The following ASAP1 variants were observed in gnomAD, a reference collection of about 807,000 sequenced individuals.
ASAP1 encodes the protein ArfGAP with SH3 domain, ankyrin repeat and PH domain 1.
ASAP1 carries 43 observed loss-of-function variants against 145.2 expected under a neutral mutation model. That is an observed-to-expected ratio of 0.30 (90% confidence interval 0.23 to 0.38). The LOEUF is 0.38. Among genes scored for constraint, ASAP1 ranks in the 10% least tolerant of loss-of-function variants. ASAP1 has a pLI of 1.00. For missense variants in ASAP1, 1,018 were observed against 1,355.3 expected (o/e 0.75, Z 3.91); for synonymous variants, 546 against 515.5 (o/e 1.06, Z -0.80).
At chr8:130,147,198 C>CAAAAAAAA (rs559149769) in intron 13 of ASAP1, among the ~76,000 whole-genome samples, 2 of 63,338 alleles carry the variant, frequency 3.2e-5, no homozygotes, top group Non-Finnish European at 2.7e-5. Flanking sequence ...AATGCAGTCT[C>CAAAAAAAA]AAAAAAAAAA....
intron 20 of ASAP1, 43 bp from the exon 21 acceptor site, chr8:130,117,038 T>C: frequency 6.9e-7 from 1 of 1,446,840 alleles, no homozygotes; most frequent in Non-Finnish European, 9.6e-7. Flanking sequence ...ACTTACTTTA[T>C]AACTTAAAAC....
intron 13 of ASAP1, among the ~76,000 whole-genome samples, chr8:130,141,670 C>G (rs2135865223): frequency 6.6e-6 from 1 of 152,264 alleles, no homozygotes; most frequent in East Asian, 1.9e-4. Context: ...CCTTAGCCTT[C>G]CCAGTAACTG....
In ASAP1 at chr8:130,108,296, C is replaced by G. The variant is rs16904205; in HGVS notation, c.2401+3798G>C. 6.5e-3 allele frequency among the ~76,000 whole-genome samples: 990 copies of G among 152,278 alleles called. 16 individuals are homozygous for G. Among genetic ancestry groups the G allele is most frequent in the African/African-American group, 0.023 (956 of 41,534 alleles). On this transcript the variant is annotated intron_variant, in intron 24 of 29. Transcript: ENST00000518721. Reference sequence around the variant, plus strand: ...GAGAAGGGCTATATAATGCCTGATTCTAGAGGCCTGGCTTCAGGAATAGAT... The same window carrying G: ...GAGAAGGGCTATATAATGCCTGATTGTAGAGGCCTGGCTTCAGGAATAGAT...
intron 1 of ASAP1, among the ~76,000 whole-genome samples, chr8:130,440,328 G>T (rs776586418): frequency 1.3e-5 from 2 of 152,044 alleles, no homozygotes; most frequent in African/African-American, 4.8e-5. Context: ...TCAACACGGC[G>T]AAACCCCGTC....
At chr8:130,133,117 G>A (rs954789568) in intron 15 of ASAP1, among the ~76,000 whole-genome samples, 1 of 151,450 alleles carries the variant, frequency 6.6e-6, no homozygotes, top group Non-Finnish European at 1.5e-5. Context: ...TATAAAACTC[G>A]GTCCAAATTA....
At chr8:130,210,954 G>A (rs1008839083) in intron 5 of ASAP1, among the ~76,000 whole-genome samples, 7 of 152,088 alleles carry the variant, frequency 4.6e-5, no homozygotes, top group Non-Finnish European at 8.8e-5. Context: ...ATGAAACCCT[G>A]CCACTACCAA....
intron 3 of ASAP1, among the ~76,000 whole-genome samples, chr8:130,339,442 G>A (rs528803032): frequency 7.2e-5 from 11 of 152,186 alleles, no homozygotes; most frequent in South Asian, 4.1e-4. Context: ...ACATCGATGC[G>A]GTCAGGGAGG....
rs148325571 is a variant in ASAP1 at position 130,321,458 on chromosome 8, A to G, written c.186+36559T>C. 1.3e-3 allele frequency among the ~76,000 whole-genome samples: 195 copies of G among 152,204 alleles called. 2 individuals carry two copies. The South Asian group carries it at 0.025, about 19-fold the overall frequency. Reference sequence around the variant, plus strand: ...TCCCTCCTCAGTCAATAGGAATGTGAACTCTGGGACCTCAATTTCTACATT... The same window carrying G: ...TCCCTCCTCAGTCAATAGGAATGTGGACTCTGGGACCTCAATTTCTACATT... On this transcript the variant is annotated intron_variant, in intron 3 of 29. Coordinates refer to ENST00000518721, the MANE Select transcript of ASAP1 (RefSeq NM_018482.4).
At chr8:130,186,340 T>A (rs928520118) in intron 7 of ASAP1, among the ~76,000 whole-genome samples, 2 of 152,222 alleles carry the variant, frequency 1.3e-5, no homozygotes, top group Non-Finnish European at 2.9e-5. Flanking sequence ...CTACTTTTTT[T>A]AATCCTGAAT....
chr8:130,311,535 G>A (rs1233775185), intron 3 of ASAP1, among the ~76,000 whole-genome samples: 1 of 152,162 alleles, frequency 6.6e-6, no homozygotes, highest in Non-Finnish European at 1.5e-5. Flanking sequence ...GCCAAGGCGG[G>A]AGGATCACCT....
intron 2 of ASAP1, among the ~76,000 whole-genome samples, chr8:130,398,862 T>C (rs1828651235): frequency 6.6e-6 from 1 of 152,230 alleles, no homozygotes; most frequent in East Asian, 1.9e-4. Flanking sequence ...GAGCCTATCC[T>C]GTCAGCACGA....
intron 24 of ASAP1, among the ~76,000 whole-genome samples, chr8:130,092,685 G>A (rs555385862): frequency 6.6e-6 from 1 of 152,146 alleles, no homozygotes; most frequent in African/African-American, 2.4e-5. Flanking sequence ...GAATGCTACT[G>A]AGTTTAGATC....
chr8:130,360,061 T>C (rs1359973433), intron 2 of ASAP1, among the ~76,000 whole-genome samples: 1 of 152,250 alleles, frequency 6.6e-6, no homozygotes, highest in Non-Finnish European at 1.5e-5. Flanking sequence ...ATACAGCACC[T>C]CATTAACTCT....
At chr8:130,382,285 CAAAAAAAA>C (rs35060121) in intron 2 of ASAP1, among the ~76,000 whole-genome samples, 31 of 73,514 alleles carry the variant, frequency 4.2e-4, no homozygotes, top group Non-Finnish European at 5.7e-4. Flanking sequence ...GATTCTGTCT[CAAAAAAAA>C]AAAAAAAAAA....
At chr8:130,189,934 G>T (rs1815022368) in intron 5 of ASAP1, among the ~76,000 whole-genome samples, 1 of 151,952 alleles carries the variant, frequency 6.6e-6, no homozygotes. Context: ...TAAACCTGTG[G>T]GCCATTTGTA....
intron 2 of ASAP1, among the ~76,000 whole-genome samples, chr8:130,386,243 G>T (rs958121537): frequency 6.6e-6 from 1 of 152,110 alleles, no homozygotes; most frequent in Non-Finnish European, 1.5e-5. Flanking sequence ...CCAAATCTAG[G>T]AATCCAGTCA....
chr8:130,326,541 G>C (rs1424453270), intron 3 of ASAP1, among the ~76,000 whole-genome samples: 1 of 152,206 alleles, frequency 6.6e-6, no homozygotes, highest in East Asian at 1.9e-4. Flanking sequence ...AACTCCTGTT[G>C]CAACAACTTT....
At chr8:130,271,680 G>T (rs998520648) in intron 3 of ASAP1, among the ~76,000 whole-genome samples, 2 of 152,116 alleles carry the variant, frequency 1.3e-5, no homozygotes, top group Admixed American at 6.6e-5. Context: ...AACTATAAAC[G>T]ATGGGCTGAT....
intron 4 of ASAP1, among the ~76,000 whole-genome samples, chr8:130,216,563 C>T (rs1816940413): frequency 6.6e-6 from 1 of 152,172 alleles, no homozygotes; most frequent in Non-Finnish European, 1.5e-5. Context: ...TGGTCCTCTC[C>T]ATTGTCTTTG....
Sources: allele counts gnomAD v4.1 joint callset (sites outside exome capture counted in the v4.1 genomes callset), GRCh38; gene constraint gnomAD v4.1.1; transcripts MANE v1.5; gene names NCBI Gene and HGNC (gene_info 2026-07-23, HGNC 2026-07-21).